Variants in FBN3 observed in about 807,000 individuals in gnomAD.
FBN3 encodes fibrillin-3.
A neutral mutation model predicts 330.1 loss-of-function variants in FBN3; 234 were observed. The observed-to-expected ratio is 0.71, with a 90% CI of 0.64 to 0.79. The LOEUF (loss-of-function observed/expected upper bound fraction) is 0.79, where lower values mean the gene tolerates loss of function less well. Among genes scored for constraint, FBN3 ranks in the 30% least tolerant of loss-of-function variants. The pLI, the probability that FBN3 is intolerant of heterozygous loss-of-function variation, is 0.00. For synonymous variants in FBN3, 1,458 were observed against 1,517.3 expected, an observed-to-expected ratio of 0.96 and a Z score of 0.91; for missense variants, 3,606 against 3,886.9, an observed-to-expected ratio of 0.93 and a Z score of 1.92.
chr19:8,121,814 A>G lies in FBN3; in HGVS notation c.3083-428T>C, dbSNP rs926071809. On this transcript the variant is annotated intron_variant, in intron 24 of 63. Transcript: ENST00000600128. The surrounding 1 kb of genome is among the most constrained non-coding windows in gnomAD (Gnocchi z 4.5). ...ACCCAGGATGGAGTGCAGTGATGCA[A>G]TCTCGGCTCACTGCAACTTCTGCCT... Among the ~76,000 whole-genome samples, 6 of 152,028 alleles carry G rather than the reference A, an allele frequency of 3.9e-5. No homozygotes were observed. Among genetic ancestry groups the G allele is most frequent in the South Asian group, 2.1e-4 (1 of 4,822 alleles).
Position 8,147,152 on chromosome 19 carries a change from A to G in FBN3, c.202T>C (p.Cys68Arg), listed in dbSNP as rs1243887169. Residue 68 changes from cysteine to arginine, a missense_variant, in exon 3 of 64, where the codon TGC becomes CGC. By Grantham distance (180) the Cys-to-Arg change is radical. Transcript: ENST00000600128. The part of the protein sequence containing the change: ...NVCGSRFHAY[C>R]CPGWRTFPGR... Reference sequence around the variant, plus strand: ...GGGAATGTCCTCCAGCCTGGACAGCAGTAGGCATGGAACCGGGAGCCGCAC... The same window carrying G: ...GGGAATGTCCTCCAGCCTGGACAGCGGTAGGCATGGAACCGGGAGCCGCAC... The G allele has an allele frequency of 6.4e-7, 1 of 1,573,798 alleles. No homozygotes were observed. The highest frequency in any genetic ancestry group is 1.2e-5 in the South Asian group (1 of 85,722).
At chr19:8,142,900 C>T (rs1397154323) in intron 6 of FBN3, among the ~76,000 whole-genome samples, 1 of 20,680 alleles carries the variant, frequency 4.8e-5, no homozygotes, top group Non-Finnish European at 1.1e-4. Flanking sequence ...GAGCTTGGCC[C>T]GCCTCCAACA....
intron 8 of FBN3, among the ~76,000 whole-genome samples, chr19:8,140,361 G>A (rs753354909): frequency 5.3e-5 from 8 of 152,202 alleles, no homozygotes; most frequent in Non-Finnish European, 1.2e-4. Context: ...CTACTGGGGA[G>A]GCTGAGGCAG....
chr19:8,117,035 A>G, intron 28 of FBN3, 134 bp downstream of exon 28: 1 of 1,383,016 alleles, frequency 7.2e-7, no homozygotes. Flanking sequence ...CCAGGACCAC[A>G]GGCCAGGCAG....
At chr19:8,098,998 G>A (rs1231170133) in intron 41 of FBN3, among the ~76,000 whole-genome samples, 1 of 152,214 alleles carries the variant, frequency 6.6e-6, no homozygotes, top group Non-Finnish European at 1.5e-5. Flanking sequence ...CAAAGAGAGA[G>A]GCTGCACAGC....
intron 38 of FBN3, among the ~76,000 whole-genome samples, chr19:8,104,073 C>A (rs10424520): frequency 0.23 from 34,645 of 149,646 alleles, 5,266 homozygotes; most frequent in African/African-American, 0.43. Context: ...TGCAGTGAGC[C>A]GTGATCACGC....
chr19:8,125,734 T>A (rs538922595), intron 22 of FBN3, among the ~76,000 whole-genome samples, 158 bp downstream of exon 22: 21 of 148,978 alleles, frequency 1.4e-4, no homozygotes, highest in African/African-American at 5.0e-4. Flanking sequence ...GAAGTTACAG[T>A]GAGCCGAGAT....
At chr19:8,088,417 G>GTGAA (rs1183771679) in intron 51 of FBN3, among the ~76,000 whole-genome samples, 1 of 148,374 alleles carries the variant, frequency 6.7e-6, no homozygotes, top group African/African-American at 2.5e-5. Flanking sequence ...TGAGCAAGAA[G>GTGAA]TGAATGAATG....
chr19:8,116,625 C>T, intron 29 of FBN3, 49 bp downstream of exon 29: 1 of 1,575,326 alleles, frequency 6.3e-7, no homozygotes. Context: ...TGTGTGAATT[C>T]TGACACTGCC....
At chr19:8,112,582 G>A (rs1431515410) in intron 30 of FBN3, among the ~76,000 whole-genome samples, 1 of 152,132 alleles carries the variant, frequency 6.6e-6, no homozygotes, top group South Asian at 2.1e-4. Context: ...CCCGAGAGGC[G>A]GAGCTTGCAG....
At chr19:8,089,760 C>T (rs2082051034) in intron 50 of FBN3, 90 bp from the exon 51 acceptor site, 10 of 1,573,458 alleles carry the variant, frequency 6.4e-6, no homozygotes, top group African/African-American at 2.7e-5. Flanking sequence ...GGGACAAAAG[C>T]CCAAGCCCCA....
intron 21 of FBN3, 35 bp downstream of exon 21, chr19:8,126,262 A>G: frequency 6.3e-7 from 1 of 1,575,546 alleles, no homozygotes; most frequent in Non-Finnish European, 8.6e-7. Flanking sequence ...CGGGCTCTGG[A>G]GTAGGGGGTG....
rs774903866 is a variant in FBN3 at position 8,085,502 on chromosome 19, A to G, written c.6948T>C (p.Ser2316=). The change falls in exon 56 of 64, where the codon AGT becomes AGC. Residue 2316 remains serine (S), a synonymous_variant. Transcript: ENST00000600128. ...QTMCRSLSSS[S]EAVTRAECCC... ...AGCACTCGGCCCTGGTGACAGCCTC[A>G]CTGCTGCTGGACAGAGACCGGCACA... 5.6e-6 allele frequency: 9 copies of G among 1,594,380 alleles called. No homozygotes were observed. In the East Asian group the frequency reaches 1.1e-4, roughly 20 times the overall value.
intron 51 of FBN3, among the ~76,000 whole-genome samples, chr19:8,089,233 ATGAG>A (rs1482971345): frequency 1.3e-5 from 2 of 152,134 alleles, no homozygotes; most frequent in Non-Finnish European, 2.9e-5. Context: ...AAGGGAGTAA[ATGAG>A]TGAGTGAATG....
In FBN3 at chr19:8,096,761, A is replaced by AT. The variant is rs1235050448; in HGVS notation, c.5413+119dup. On this transcript the variant is annotated intron_variant, in intron 43 of 63. Transcript: ENST00000600128. This position sits in a 1 kb window ranked among gnomAD's most constrained non-coding sequence, Gnocchi z 4.6. ...TCCTATTAACAGACACTCTCAATACATCCCCCACCCCCCTAATAGTATAGA... is the reference window on the plus strand; with the variant it reads ...TCCTATTAACAGACACTCTCAATACATTCCCCCACCCCCCTAATAGTATAGA... The AT allele has an allele frequency of 8.3e-6, 11 of 1,319,428 alleles. No homozygotes were observed. Among genetic ancestry groups the AT allele is most frequent in the Non-Finnish European group, 9.4e-6 (9 of 955,924 alleles). 81.7% of individuals were successfully genotyped at this position (1,319,428 alleles called of 1,614,324 possible).
At chr19:8,146,026 GC>G (rs2083535633) in intron 4 of FBN3, 88 bp from the exon 5 acceptor site, 1 of 1,485,658 alleles carries the variant, frequency 6.7e-7, no homozygotes, top group African/African-American at 1.4e-5. Flanking sequence ...GGCATGCTCA[GC>G]CCCGCTCCTG....
rs574000580 is a variant in FBN3 at position 8,129,105 on chromosome 19, C to T, written c.2219G>A (p.Cys740Tyr). The T allele has an allele frequency of 5.0e-6, 8 of 1,613,040 alleles. No homozygotes were observed. The South Asian group carries it at 8.8e-5, about 18-fold the overall frequency. ...GCTGTAGCTGCCAGGGCTATTCTGG[C>T]ACCACCCGTTGTCACACAGGAGGCT... Reference protein sequence around the residue: ...LNSLLCDNGWCQNSPGSYSCS... With the variant: ...LNSLLCDNGWYQNSPGSYSCS... Residue 740 changes from cysteine (C) to tyrosine (Y), a missense_variant, in exon 18 of 64, where the codon TGC becomes TAC. Physicochemically the swap from Cys to Tyr is radical, Grantham distance 194 (BLOSUM62 -2). Transcript: ENST00000600128. The surrounding 1 kb of genome is among the most constrained non-coding windows in gnomAD (Gnocchi z 4.5).
At chr19:8,081,604 A>C in intron 57 of FBN3, 124 bp from the exon 58 acceptor site, 1 of 1,142,120 alleles carries the variant, frequency 8.8e-7, no homozygotes, top group Non-Finnish European at 1.2e-6. Flanking sequence ...AGGAATGAAC[A>C]CTTCTTTCTG....
At chr19:8,071,904 G>A in intron 63 of FBN3, 144 bp downstream of exon 63, 2 of 821,206 alleles carry the variant, frequency 2.4e-6, no homozygotes, top group Non-Finnish European at 3.8e-6. Flanking sequence ...CCCTAAGCCG[G>A]CACCATGACA....
Sources: allele counts gnomAD v4.1 joint callset (sites outside exome capture counted in the v4.1 genomes callset), GRCh38; gene constraint gnomAD v4.1.1; non-coding constraint Gnocchi (gnomAD v3.1); transcripts MANE v1.5; gene names NCBI Gene and HGNC (gene_info 2026-07-23, HGNC 2026-07-21).